UBR3: variants seen among roughly 807,000 people sequenced by gnomAD.
The protein encoded by UBR3 is ubiquitin protein ligase E3 component n-recognin 3.
UBR3 carries 85 observed loss-of-function variants against 243.2 expected under a neutral mutation model. The ratio of observed to expected loss-of-function variants is 0.35; its 90% CI spans 0.29 to 0.42. UBR3 has a LOEUF of 0.42. Among genes scored for constraint, UBR3 ranks in the 10% least tolerant of loss-of-function variants. UBR3 has a pLI of 1.00. For synonymous variants in UBR3, 748 were observed against 799.8 expected (o/e 0.94, Z 1.09); for missense variants, 1,686 against 2,300.8 (o/e 0.73, Z 5.47).
At chr2:170,074,029 T>G (rs985475029) in intron 36 of UBR3, among the ~76,000 whole-genome samples, 3 of 152,184 alleles carry the variant, frequency 2.0e-5, no homozygotes, top group African/African-American at 7.2e-5. Context: ...CTCAGCTAGT[T>G]AAAGGGTTTG....
At chr2:170,010,286 T>C (rs2090044990) in intron 29 of UBR3, among the ~76,000 whole-genome samples, 1 of 152,200 alleles carries the variant, frequency 6.6e-6, no homozygotes, top group Non-Finnish European at 1.5e-5. Context: ...CATATGATAT[T>C]GTGATTATAA....
At chr2:170,030,510 T>A (rs1451260744) in intron 31 of UBR3, among the ~76,000 whole-genome samples, 1 of 152,144 alleles carries the variant, frequency 6.6e-6, no homozygotes, top group African/African-American at 2.4e-5. Context: ...TTCTTTTTTG[T>A]TACTTGTATC....
chr2:169,831,127 A>ATATATT (rs1450878762), intron 1 of UBR3, among the ~76,000 whole-genome samples: 5 of 56,466 alleles, frequency 8.9e-5, no homozygotes, highest in African/African-American at 4.5e-4. Flanking sequence ...ATATATATAT[A>ATATATT]TTTTTTTTTT....
rs115141212 is a variant in UBR3, at chr2:169,857,796, A to G, written c.546-14440A>G. 4.5e-3 allele frequency among the ~76,000 whole-genome samples: 688 copies of G among 152,214 alleles called. 5 individuals are homozygous for G. The highest frequency in any genetic ancestry group is 0.016 in the African/African-American group (647 of 41,512). The stretch of plus-strand genomic sequence containing the variant: ...TTCACTGTTTCCCAGGCTGGAGTGC[A>G]GTGGCACTATCATGGCTCAATGCAG... On this transcript the variant is annotated intron_variant, in intron 1 of 38. Transcript: ENST00000272793.
intron 6 of UBR3, among the ~76,000 whole-genome samples, chr2:169,893,398 A>G (rs777372181): frequency 4.3e-4 from 66 of 152,328 alleles, no homozygotes; most frequent in Middle Eastern, 3.4e-3. Context: ...ATAACTATGA[A>G]TTCTATGATT....
At chr2:169,839,481 ACAATAATC>A (rs2082218421) in intron 1 of UBR3, among the ~76,000 whole-genome samples, 1 of 150,824 alleles carries the variant, frequency 6.6e-6, no homozygotes. Flanking sequence ...ACTGTAGTTT[ACAATAATC>A]CATTGTAAAT....
chr2:169,938,124 C>T (rs1358948177), intron 19 of UBR3, among the ~76,000 whole-genome samples: 15 of 152,134 alleles, frequency 9.9e-5, no homozygotes, highest in African/African-American at 3.6e-4. Flanking sequence ...AGCCCCTTGC[C>T]TTCCCACCTC....
At chr2:170,024,375 A>AAG (rs869146949) in intron 30 of UBR3, among the ~76,000 whole-genome samples, 2 of 147,780 alleles carry the variant, frequency 1.4e-5, no homozygotes, top group African/African-American at 5.0e-5. Context: ...AAAAAAAAAA[A>AAG]GAGAAAAGAA....
chr2:170,022,848 A>G (rs537976197), intron 30 of UBR3, among the ~76,000 whole-genome samples: 1 of 152,104 alleles, frequency 6.6e-6, no homozygotes, highest in South Asian at 2.1e-4. Context: ...CCATGGCATC[A>G]ACCTTCTGTC....
At chr2:170,005,003 C>G (rs541618594) in intron 27 of UBR3, among the ~76,000 whole-genome samples, 1 of 152,170 alleles carries the variant, frequency 6.6e-6, no homozygotes, top group African/African-American at 2.4e-5. Context: ...GCGGATGGAT[C>G]ACGAGGTCAG....
chr2:170,042,282 A>G (rs1037351582), intron 32 of UBR3, among the ~76,000 whole-genome samples: 1 of 152,036 alleles, frequency 6.6e-6, no homozygotes, highest in Non-Finnish European at 1.5e-5. Flanking sequence ...TATCCATGTT[A>G]TGGCATGTAT....
chr2:170,044,414 A>G (rs1298943030), intron 32 of UBR3, among the ~76,000 whole-genome samples: 3 of 152,152 alleles, frequency 2.0e-5, no homozygotes, highest in Admixed American at 2.0e-4. Context: ...TATGCCAATT[A>G]TCTCATCAGA....
intron 2 of UBR3, among the ~76,000 whole-genome samples, chr2:169,874,051 GA>G (rs1303818279): frequency 2.6e-5 from 4 of 152,148 alleles, no homozygotes; most frequent in South Asian, 2.1e-4. Flanking sequence ...AAACACGAAG[GA>G]AAAAATGGAA....
At chr2:170,069,133 G>C (rs1020405874) in intron 35 of UBR3, among the ~76,000 whole-genome samples, 1 of 151,996 alleles carries the variant, frequency 6.6e-6, no homozygotes, top group Non-Finnish European at 1.5e-5. Flanking sequence ...CAATTTATAA[G>C]GCCAGTTTTA....
At chr2:170,068,584 A>G (rs1248884684) in intron 35 of UBR3, among the ~76,000 whole-genome samples, 1 of 152,230 alleles carries the variant, frequency 6.6e-6, no homozygotes, top group African/African-American at 2.4e-5. Context: ...TGAAGCAAGT[A>G]AAAGAAAAGA....
chr2:169,941,299 CTA>C (rs949414302), intron 19 of UBR3, among the ~76,000 whole-genome samples: 3 of 152,146 alleles, frequency 2.0e-5, no homozygotes, highest in Non-Finnish European at 2.9e-5. Context: ...TATCCAAACC[CTA>C]TATATACTAT....
chr2:169,949,802 T>G lies in UBR3; in HGVS notation c.3282T>G (p.Ile1094Met), dbSNP rs2086936398. 2 of 1,552,944 alleles carry G rather than the reference T, an allele frequency of 1.3e-6. No individual in the cohort carries two copies. The highest frequency in any genetic ancestry group is 4.9e-5 in the East Asian group (2 of 41,030). ...AAGAAAGCATATTGTCTTTGCTAAT[T>G]AAACTTCACCACAAACTCTCAGGAA... The part of the protein sequence containing the change: ...EIKESILSLL[I>M]KLHHKLSGKQ... Residue 1094 changes from isoleucine to methionine, a missense_variant, in exon 23 of 39, where the codon ATT becomes ATG. Physicochemically the swap from Ile to Met is conservative, Grantham distance 10. Coordinates refer to ENST00000272793, the MANE Select transcript of UBR3 (RefSeq NM_172070.4).
chr2:169,941,373 G>A (rs576185699), intron 19 of UBR3, among the ~76,000 whole-genome samples: 1 of 152,262 alleles, frequency 6.6e-6, no homozygotes, highest in Non-Finnish European at 1.5e-5. Flanking sequence ...GATAGTGAGA[G>A]ATTAACAGTA....
rs1425174715 is a variant in UBR3, at chr2:170,082,095, TAAG to T, written c.*256_*258del. The T allele has an allele frequency of 1.3e-5, 4 of 299,792 alleles. No individual in the cohort carries two copies. The highest frequency in any genetic ancestry group is 6.5e-5 in the African/African-American group (3 of 46,488). 18.6% of individuals were successfully genotyped at this position (299,792 alleles called of 1,614,324 possible). A position where few individuals can be genotyped will look rare whatever the true frequency, so the allele number is the denominator to read the frequency against. ...GGTCATTTTTTAAGTGCACAATTAA[TAAG>T]AAGCACAACTTGTTCACAAACTCAT... On this transcript the variant is annotated 3_prime_UTR_variant, in exon 39 of 39. Coordinates refer to ENST00000272793, the MANE Select transcript of UBR3 (RefSeq NM_172070.4).
Sources: allele counts gnomAD v4.1 joint callset (sites outside exome capture counted in the v4.1 genomes callset), GRCh38; gene constraint gnomAD v4.1.1; transcripts MANE v1.5; gene names NCBI Gene and HGNC (gene_info 2026-07-23, HGNC 2026-07-21).